The following COXFA4L2 variants were observed in gnomAD, a reference collection of about 807,000 sequenced individuals.
COXFA4L2 encodes the protein NADH dehydrogenase (ubiquinone) 1 alpha subcomplex, 4-like 2.
chr12:57,237,359 C>A, the COXFA4L2 span: 1 of 1,385,034 alleles, frequency 7.2e-7, no homozygotes, highest in Non-Finnish European at 9.3e-7. Context: ...CACCATCATT[C>A]TTGGGGCTTC....
chr12:57,237,597 G>T, the COXFA4L2 span, among the ~76,000 whole-genome samples: 2 of 152,234 alleles, frequency 1.3e-5, no homozygotes, highest in Non-Finnish European at 2.9e-5. Flanking sequence ...TGTAGTGGGG[G>T]AAGGAGGAAG....
chr12:57,237,075 G>T, the COXFA4L2 span: 2 of 1,614,008 alleles, frequency 1.2e-6, no homozygotes, highest in Non-Finnish European at 1.7e-6. Context: ...CCCAAGACTG[G>T]CTCCTGCCAT....
chr12:57,236,598 G>C, the COXFA4L2 span: 5 of 1,580,414 alleles, frequency 3.2e-6, no homozygotes, highest in Non-Finnish European at 3.4e-6. Flanking sequence ...TTTACCAGAC[G>C]TCGGGGCTGC....
chr12:57,236,686 G>A, the COXFA4L2 span: 2 of 1,556,486 alleles, frequency 1.3e-6, no homozygotes, highest in East Asian at 2.3e-5. Flanking sequence ...GATGATCTGC[G>A]GGGAAGAGGG....
chr12:57,235,704 G>C, the COXFA4L2 span: 1 of 1,611,584 alleles, frequency 6.2e-7, no homozygotes, highest in Non-Finnish European at 8.5e-7. Context: ...GCCAGGACCA[G>C]GAGATAAGAG....
chr12:57,239,846 T>C, the COXFA4L2 span: 1 of 152,598 alleles, frequency 6.6e-6, no homozygotes, highest in Non-Finnish European at 1.5e-5. This position sits in a 1 kb window ranked among gnomAD's most constrained non-coding sequence, Gnocchi z 5.5. Flanking sequence ...TACTAATGCC[T>C]CTCTTTGTCT....
the COXFA4L2 span, among the ~76,000 whole-genome samples, chr12:57,238,139 C>T: frequency 2.0e-5 from 3 of 152,300 alleles, no homozygotes; most frequent in Middle Eastern, 3.4e-3. The surrounding 1 kb of genome is among the most constrained non-coding windows in gnomAD (Gnocchi z 6.8). Flanking sequence ...AGCACCTCCC[C>T]CTCCAGAGCC....
At chr12:57,235,264 G>A in the COXFA4L2 span, 17 of 526,738 alleles carry the variant, frequency 3.2e-5, no homozygotes, top group East Asian at 1.6e-4. Flanking sequence ...CACACCCTTC[G>A]AGGCCCGGGT....
the COXFA4L2 span, chr12:57,235,271 G>A: frequency 1.3e-4 from 68 of 540,366 alleles, no homozygotes; most frequent in Non-Finnish European, 2.0e-4. Context: ...TTCGAGGCCC[G>A]GGTAGGAGGG....
chr12:57,237,234 T>C, the COXFA4L2 span: 100 of 1,496,188 alleles, frequency 6.7e-5, no homozygotes, highest in Non-Finnish European at 8.4e-5. Flanking sequence ...CCACCCCAAC[T>C]TAGCTCACTT....
chr12:57,235,439 G>C, the COXFA4L2 span: 2 of 1,074,546 alleles, frequency 1.9e-6, no homozygotes, highest in East Asian at 4.7e-5. Flanking sequence ...GTGGGAACCC[G>C]GCCTGTGTAA....
the COXFA4L2 span, chr12:57,235,727 C>A: frequency 6.2e-7 from 1 of 1,608,168 alleles, no homozygotes; most frequent in Non-Finnish European, 8.5e-7. Context: ...TGGGGGGCAA[C>A]CCTAGAGCCA....
At chr12:57,235,588 A>G in the COXFA4L2 span, 17 of 1,613,988 alleles carry the variant, frequency 1.1e-5, no homozygotes, top group Non-Finnish European at 1.4e-5. Context: ...GTCCTTCTTC[A>G]GCTTCTTATA....
chr12:57,237,586 G>C, the COXFA4L2 span, among the ~76,000 whole-genome samples: 1 of 152,230 alleles, frequency 6.6e-6, no homozygotes, highest in Non-Finnish European at 1.5e-5. Context: ...CCCCTCCACA[G>C]TGTAGTGGGG....
chr12:57,236,634 C>T, the COXFA4L2 span: 3 of 1,583,834 alleles, frequency 1.9e-6, no homozygotes, highest in South Asian at 1.2e-5. Context: ...GCAAGTAAAG[C>T]GCAGCGCTGC....
the COXFA4L2 span, chr12:57,235,413 G>A: frequency 6.0e-6 from 5 of 831,274 alleles, no homozygotes; most frequent in East Asian, 2.4e-5. Context: ...TAGGGGTGGA[G>A]CAGCCTCCCC....
At chr12:57,236,088 G>A in the COXFA4L2 span, 1 of 394,336 alleles carries the variant, frequency 2.5e-6, no homozygotes, top group African/African-American at 2.0e-5. Flanking sequence ...GCCACCCTAG[G>A]TTAACCCTAA....
At chr12:57,239,178 G>T in the COXFA4L2 span, among the ~76,000 whole-genome samples, 1 of 152,352 alleles carries the variant, frequency 6.6e-6, no homozygotes, top group African/African-American at 2.4e-5. The surrounding 1 kb of genome is among the most constrained non-coding windows in gnomAD (Gnocchi z 5.5). Context: ...AAAGGCAGCG[G>T]GACTCAGCGG....
chr12:57,240,497 T>TGGCC, the COXFA4L2 span: 1 of 169,976 alleles, frequency 5.9e-6, no homozygotes, highest in Non-Finnish European at 1.2e-5. Flanking sequence ...GAAGCCGAGC[T>TGGCC]GGCCGGGAGA....
Sources: allele counts gnomAD v4.1 joint callset (sites outside exome capture counted in the v4.1 genomes callset), GRCh38; gene constraint gnomAD v4.1.1; non-coding constraint Gnocchi (gnomAD v3.1); transcripts MANE v1.5; gene names NCBI Gene and HGNC (gene_info 2026-07-23, HGNC 2026-07-21).